CHST9: variants seen among roughly 807,000 people sequenced by gnomAD.
CHST9 encodes the protein carbohydrate sulfotransferase 9.
A neutral mutation model predicts 44.4 loss-of-function variants in CHST9; 41 were observed. The observed-to-expected ratio is 0.92, with a 90% confidence interval of 0.72 to 1.20. The LOEUF is 1.20. CHST9 is among the 50% of genes most tolerant of loss of function. The pLI, the probability that CHST9 is intolerant of heterozygous loss-of-function variation, is 0.00. For missense variants in CHST9, 504 were observed against 516.5 expected (o/e 0.98, Z 0.23); for synonymous variants, 171 against 178.4 (o/e 0.96, Z 0.33).
intron 2 of CHST9, among the ~76,000 whole-genome samples, chr18:27,112,843 T>C (rs538761923): frequency 1.3e-5 from 2 of 152,214 alleles, no homozygotes; most frequent in South Asian, 4.1e-4. Flanking sequence ...AGTCCATACA[T>C]CCCTAAGAAT....
At chr18:27,015,058 T>G (rs1316591560) in intron 4 of CHST9, among the ~76,000 whole-genome samples, 1 of 152,202 alleles carries the variant, frequency 6.6e-6, no homozygotes, top group Non-Finnish European at 1.5e-5. Flanking sequence ...TTGTTTCCAT[T>G]TGAGCCTCTT....
chr18:26,981,508 G>A (rs1236499947), intron 4 of CHST9, among the ~76,000 whole-genome samples: 1 of 152,186 alleles, frequency 6.6e-6, no homozygotes, highest in Non-Finnish European at 1.5e-5. Context: ...CCATTGTAAT[G>A]AGCACTTGAG....
intron 4 of CHST9, among the ~76,000 whole-genome samples, chr18:26,962,782 A>C (rs1219913754): frequency 6.6e-6 from 1 of 152,014 alleles, no homozygotes; most frequent in Non-Finnish European, 1.5e-5. Context: ...GGGTATTGAG[A>C]TCCAAGGCCG....
intron 2 of CHST9, among the ~76,000 whole-genome samples, chr18:27,100,749 A>G (rs941687921): frequency 6.6e-6 from 1 of 152,248 alleles, no homozygotes; most frequent in Non-Finnish European, 1.5e-5. Flanking sequence ...GCAACAAATA[A>G]ATCATAATAT....
chr18:27,046,519 T>C (rs1328164381), intron 3 of CHST9, among the ~76,000 whole-genome samples: 1 of 151,800 alleles, frequency 6.6e-6, no homozygotes, highest in Non-Finnish European at 1.5e-5. Flanking sequence ...AGGCAGGACA[T>C]AGAACCTGAG....
intron 4 of CHST9, among the ~76,000 whole-genome samples, chr18:27,004,503 A>C (rs1348788883): frequency 6.6e-6 from 1 of 152,164 alleles, no homozygotes; most frequent in Non-Finnish European, 1.5e-5. Context: ...ACAATAATCC[A>C]TCAAGAGAGG....
At chr18:27,177,935 T>G (rs1275249474) in intron 1 of CHST9, among the ~76,000 whole-genome samples, 1 of 152,012 alleles carries the variant, frequency 6.6e-6, no homozygotes, top group Non-Finnish European at 1.5e-5. Flanking sequence ...GCTGTTCAAA[T>G]GAAAGAAACA....
chr18:27,146,160 A>G (rs2058610668), intron 1 of CHST9, among the ~76,000 whole-genome samples: 1 of 152,204 alleles, frequency 6.6e-6, no homozygotes, highest in Non-Finnish European at 1.5e-5. Flanking sequence ...GAGGAAAATT[A>G]TTACCTACGA....
chr18:27,147,389 G>T (rs1395349137), intron 1 of CHST9, among the ~76,000 whole-genome samples: 1 of 152,092 alleles, frequency 6.6e-6, no homozygotes, highest in Non-Finnish European at 1.5e-5. Context: ...TTTAAGGAAG[G>T]AGTGGTGGGG....
At chr18:27,123,842 G>T (rs566109984) in intron 2 of CHST9, among the ~76,000 whole-genome samples, 1 of 152,256 alleles carries the variant, frequency 6.6e-6, no homozygotes, top group South Asian at 2.1e-4. Context: ...CTTATACTGG[G>T]CCAAGCAGAG....
intron 4 of CHST9, among the ~76,000 whole-genome samples, chr18:26,958,417 C>T (rs2056355678): frequency 6.6e-6 from 1 of 151,014 alleles, no homozygotes; most frequent in Admixed American, 6.6e-5. Context: ...TAGACATCAG[C>T]TCTGGGAAGG....
intron 2 of CHST9, among the ~76,000 whole-genome samples, chr18:27,086,625 C>T (rs2058014716): frequency 6.6e-6 from 1 of 152,082 alleles, no homozygotes; most frequent in African/African-American, 2.4e-5. Flanking sequence ...TTGAATCTAG[C>T]TTATTTGATT....
chr18:26,983,842 T>G (rs950310271), intron 4 of CHST9, among the ~76,000 whole-genome samples: 3 of 152,204 alleles, frequency 2.0e-5, no homozygotes, highest in African/African-American at 7.2e-5. Context: ...AAGTGCCTCA[T>G]GAGTGTAGAT....
chr18:27,110,341 G>T (rs2143778523), intron 2 of CHST9, among the ~76,000 whole-genome samples: 1 of 151,722 alleles, frequency 6.6e-6, no homozygotes, highest in East Asian at 1.9e-4. Context: ...ATAGTTTTCG[G>T]ATTCCCTGAC....
Position 27,142,741 on chromosome 18 carries a change from A to G in CHST9, c.69T>C (p.Ala23=), listed in dbSNP as rs2058578479. ...VFLSVLIFGV[A]GLLLFMYLQV... is the part of the protein sequence containing the mutation. Reference sequence around the variant, plus strand: ...GCAAATACATGAAGAGGAGTAGCCCAGCTACTCCAAATATCAGCACAGAGA... The same window carrying G: ...GCAAATACATGAAGAGGAGTAGCCCGGCTACTCCAAATATCAGCACAGAGA... The change falls in exon 2 of 6, where the codon GCT becomes GCC. Residue 23 remains alanine (A), a synonymous_variant. Transcript: ENST00000618847. 3.1e-6 allele frequency: 5 copies of G among 1,607,492 alleles called. No individual in the cohort carries two copies. The highest frequency in any genetic ancestry group is 4.3e-6 in the Non-Finnish European group (5 of 1,174,444).
chr18:27,020,640 T>C (rs1247144699), intron 4 of CHST9, among the ~76,000 whole-genome samples: 3 of 152,352 alleles, frequency 2.0e-5, no homozygotes, highest in African/African-American at 7.2e-5. Flanking sequence ...GAATAGCCAT[T>C]GACTGAGGGA....
chr18:26,914,997 A>G lies in CHST9; in HGVS notation c.*1262T>C. 1 of 397,938 alleles carries G rather than the reference A, an allele frequency of 2.5e-6. No homozygotes were observed. Among genetic ancestry groups the G allele is most frequent in the African/African-American group, 2.1e-5 (1 of 48,710 alleles). The allele number at this position is 397,938 out of a possible 1,614,324, so 24.7% of individuals were successfully genotyped here. On this transcript the variant is annotated 3_prime_UTR_variant, in exon 6 of 6. Coordinates refer to ENST00000618847, the MANE Select transcript of CHST9 (RefSeq NM_031422.6). Reference sequence around the variant, plus strand: ...CCCTTTTTTTTTCCCCAAGGGATCTAATTTAGGATCCCTTGGAAAAAAATT... The same window carrying G: ...CCCTTTTTTTTTCCCCAAGGGATCTGATTTAGGATCCCTTGGAAAAAAATT...
intron 3 of CHST9, among the ~76,000 whole-genome samples, chr18:27,043,645 G>T (rs191161589): frequency 3.4e-4 from 51 of 152,008 alleles, no homozygotes; most frequent in Non-Finnish European, 6.6e-4. Context: ...TTATTCTTGG[G>T]TAATTAAAAT....
intron 1 of CHST9, among the ~76,000 whole-genome samples, chr18:27,177,082 C>A (rs941929927): frequency 1.3e-5 from 2 of 152,000 alleles, no homozygotes; most frequent in Non-Finnish European, 2.9e-5. Flanking sequence ...AATAAAATCT[C>A]ATTCTCTGAT....
Sources: allele counts gnomAD v4.1 joint callset (sites outside exome capture counted in the v4.1 genomes callset), GRCh38; gene constraint gnomAD v4.1.1; transcripts MANE v1.5; gene names NCBI Gene and HGNC (gene_info 2026-07-23, HGNC 2026-07-21).